Variants in SLC3A1 observed in about 807,000 individuals in gnomAD.
The protein encoded by SLC3A1 is solute carrier family 3 member 1.
In SLC3A1, 78 loss-of-function variants were observed where a neutral mutation model predicts 60.3. The ratio of observed to expected loss-of-function variants is 1.29; its 90% CI spans 1.08 to 1.56. The LOEUF is 1.56. SLC3A1 is among the 40% of genes most tolerant of loss of function. SLC3A1 has a pLI of 0.00. For missense variants in SLC3A1, 1,172 were observed against 858.9 expected (o/e 1.36, Z -4.56); for synonymous variants, 392 against 307.9 (o/e 1.27, Z -2.86).
At chr2:44,297,852 C>T (rs900203716) in intron 4 of SLC3A1, among the ~76,000 whole-genome samples, 4 of 152,152 alleles carry the variant, frequency 2.6e-5, no homozygotes, top group African/African-American at 4.8e-5. Context: ...CCCACCTCAG[C>T]CTCCTAAATT....
chr2:44,305,007 T>G (rs1244388948), intron 7 of SLC3A1, among the ~76,000 whole-genome samples: 1 of 151,310 alleles, frequency 6.6e-6, no homozygotes, highest in African/African-American at 2.4e-5. Context: ...GTTTTTGTAT[T>G]TTTAGTAGGG....
chr2:44,304,257 C>A lies in SLC3A1; in HGVS notation c.1251C>A (p.Asp417Glu). The change falls in exon 7 of 10, where the codon GAC (aspartate) becomes GAA (glutamate). Residue 417 changes from aspartate to glutamate, a missense_variant. Transcript: ENST00000260649. ...TCAACAATTACCTCAGCATGCTAGA[C>A]ACTGTTTCTGGGAACAGCGTGTATG... Reference protein sequence around the residue: ...FPFNNYLSMLDTVSGNSVYEV... With the variant: ...FPFNNYLSMLETVSGNSVYEV... 1.2e-6 allele frequency: 2 copies of A among 1,614,130 alleles called. No homozygotes were observed. Among genetic ancestry groups the A allele is most frequent in the Non-Finnish European group, 1.7e-6 (2 of 1,179,946 alleles).
At chr2:44,321,958 TCGAGA>T, downstream of SLC3A1, 2 of 1,516,050 alleles carry the variant, frequency 1.3e-6, no homozygotes, top group Non-Finnish European at 1.8e-6. Context: ...CTTTGGAAGA[TCGAGA>T]CCCATTCCTC....
chr2:44,293,569 C>G (rs1054613922), intron 4 of SLC3A1, among the ~76,000 whole-genome samples: 1 of 150,162 alleles, frequency 6.7e-6, no homozygotes, highest in African/African-American at 2.4e-5. Flanking sequence ...AAAGTCTAGT[C>G]TAGAGATAAA....
At chr2:44,295,893 C>T (rs911398845) in intron 4 of SLC3A1, among the ~76,000 whole-genome samples, 3 of 152,206 alleles carry the variant, frequency 2.0e-5, no homozygotes, top group Non-Finnish European at 2.9e-5. Flanking sequence ...AAGAACAGCA[C>T]CACCTGGGTG....
At chr2:44,303,947 G>C in intron 6 of SLC3A1, 196 bp from the exon 7 acceptor site, 1 of 661,576 alleles carries the variant, frequency 1.5e-6, no homozygotes, top group South Asian at 1.7e-5. Flanking sequence ...TCCATGGTGT[G>C]TATGTGCCAC....
At position 44,321,372 on chromosome 2, in the gene SLC3A1, T is replaced by G; in HGVS notation, c.*733T>G. ...TGCAGTGTTTCAGAATTTCAGGTAT[T>G]TCTTAAGATCCTCGAAAACACTGGT... On this transcript the variant is annotated 3_prime_UTR_variant, in exon 10 of 10. Transcript: ENST00000260649. 1 of 1,608,772 alleles carries G rather than the reference T, an allele frequency of 6.2e-7. No homozygotes were observed. The highest frequency in any genetic ancestry group is 8.5e-7 in the Non-Finnish European group (1 of 1,175,372).
chr2:44,297,371 C>G (rs1295772832), intron 4 of SLC3A1, among the ~76,000 whole-genome samples: 1 of 152,184 alleles, frequency 6.6e-6, no homozygotes, highest in African/African-American at 2.4e-5. Context: ...GTCCTCCCAC[C>G]TGTCCCAGTA....
intron 4 of SLC3A1, among the ~76,000 whole-genome samples, chr2:44,289,604 G>A (rs1007201392): frequency 6.6e-6 from 1 of 151,774 alleles, no homozygotes; most frequent in Non-Finnish European, 1.5e-5. Flanking sequence ...TGAAGCACAA[G>A]CGTTTTTAAT....
chr2:44,308,463 G>C (rs1672211692), intron 7 of SLC3A1, among the ~76,000 whole-genome samples: 2 of 152,184 alleles, frequency 1.3e-5, no homozygotes, highest in South Asian at 2.1e-4. Context: ...AATCCATGAA[G>C]ACAGATGTAT....
At chr2:44,315,166 C>G (rs1385296201) in intron 9 of SLC3A1, 1 of 151,968 alleles carries the variant, frequency 6.6e-6, no homozygotes, top group African/African-American at 2.4e-5. Flanking sequence ...TGGTTTCAAA[C>G]TCCTGATCTC....
chr2:44,306,410 G>A (rs902449449), intron 7 of SLC3A1, among the ~76,000 whole-genome samples: 2 of 152,140 alleles, frequency 1.3e-5, no homozygotes, highest in Admixed American at 1.3e-4. Context: ...TCCATTGCCA[G>A]AGCCTTTCTC....
At chr2:44,283,092 C>T (rs1671537044) in intron 3 of SLC3A1, among the ~76,000 whole-genome samples, 1 of 152,166 alleles carries the variant, frequency 6.6e-6, no homozygotes, top group Admixed American at 6.5e-5. Context: ...TGTGTTCTCT[C>T]CTGCCTTTAT....
intron 4 of SLC3A1, among the ~76,000 whole-genome samples, chr2:44,299,137 C>T (rs1671934485): frequency 6.7e-6 from 1 of 149,806 alleles, no homozygotes; most frequent in Non-Finnish European, 1.5e-5. Flanking sequence ...CTCCCGGGTT[C>T]AAGTGATTCT....
chr2:44,315,077 G>A (rs1407756803), intron 9 of SLC3A1: 1 of 151,860 alleles, frequency 6.6e-6, no homozygotes, highest in Non-Finnish European at 1.5e-5. Flanking sequence ...GATTACAGGT[G>A]CCCGCCAGGC....
intron 4 of SLC3A1, among the ~76,000 whole-genome samples, chr2:44,298,975 T>A (rs1372493331): frequency 6.6e-6 from 1 of 151,932 alleles, no homozygotes; most frequent in Non-Finnish European, 1.5e-5. Context: ...GCTTAACCAT[T>A]TGTGTTTGGG....
rs976428991 is a variant in SLC3A1, at chr2:44,285,402, G to C, written c.766-630G>C. 1.2e-5 allele frequency: 3 copies of C among 258,690 alleles called. No homozygotes were observed. The Admixed American group carries it at 1.4e-4, about 12-fold the overall frequency. The allele number at this position is 258,690 out of a possible 1,614,324, so 16.0% of individuals were successfully genotyped here. On this transcript the variant is annotated intron_variant, in intron 3 of 9. Coordinates refer to ENST00000260649, the MANE Select transcript of SLC3A1 (RefSeq NM_000341.4). ...ACTCTCACATTCAAGGGCCCACAGC[G>C]TTGACTTAAGGAGTGGCCAGAGATG...
intron 4 of SLC3A1, among the ~76,000 whole-genome samples, chr2:44,295,136 C>T (rs1671821669): frequency 6.6e-6 from 1 of 152,148 alleles, no homozygotes; most frequent in Admixed American, 6.5e-5. Flanking sequence ...AAATGTCAGC[C>T]ATCTGAAAAG....
At chr2:44,303,040 AAC>A (rs1398831662) in intron 6 of SLC3A1, among the ~76,000 whole-genome samples, 9 of 151,766 alleles carry the variant, frequency 5.9e-5, no homozygotes, top group Non-Finnish European at 2.9e-5. Context: ...GTCTACTAAA[AAC>A]ACAAAAAAAT....
Sources: gnomAD v4.1 joint callset for allele counts (sites outside exome capture counted in the v4.1 genomes callset) on GRCh38, gnomAD v4.1.1 for gene constraint, MANE v1.5 for transcripts, NCBI Gene and HGNC (gene_info 2026-07-23, HGNC 2026-07-21) for gene names.